The following CORO7 variants were observed in gnomAD, a reference collection of about 807,000 sequenced individuals.
CORO7 encodes coronin 7, also known as coronin-7.
Under a neutral mutation model 126.6 loss-of-function variants are expected in CORO7, and 107 were observed. The ratio of observed to expected loss-of-function variants is 0.85; its 90% confidence interval spans 0.72 to 0.99. The LOEUF is 0.99. CORO7 is among the 50% of genes least tolerant of loss of function. The pLI is 0.00. For synonymous variants in CORO7, 603 were observed against 536.8 expected, an observed-to-expected ratio of 1.12 and a Z score of -1.70; for missense variants, 1,314 against 1,255.8, an observed-to-expected ratio of 1.05 and a Z score of -0.70.
chr16:4,397,996 A>C (rs2055662482), intron 6 of CORO7, among the ~76,000 whole-genome samples: 3 of 152,144 alleles, frequency 2.0e-5, no homozygotes, highest in Admixed American at 2.0e-4. Flanking sequence ...AGCTCACTGC[A>C]AATCAACCTC....
chr16:4,407,394 C>T (rs1370114239), intron 5 of CORO7, 107 bp downstream of exon 5: 3 of 1,348,854 alleles, frequency 2.2e-6, no homozygotes, highest in Non-Finnish European at 3.0e-6. Flanking sequence ...AAGTGTAAAA[C>T]TTTGATATCT....
At chr16:4,372,236 C>G (rs1274021700) in intron 9 of CORO7, among the ~76,000 whole-genome samples, 1 of 152,164 alleles carries the variant, frequency 6.6e-6, no homozygotes, top group Non-Finnish European at 1.5e-5. Context: ...GCGGTGAGCC[C>G]GCGAGGCTGC....
At chr16:4,393,434 G>A (rs556946055) in intron 7 of CORO7, among the ~76,000 whole-genome samples, 1 of 152,206 alleles carries the variant, frequency 6.6e-6, no homozygotes. Context: ...TACGACCAGG[G>A]TGTGGCCAAA....
intron 2 of CORO7, chr16:4,412,718 A>G (rs956413668): frequency 6.9e-6 from 3 of 436,508 alleles, no homozygotes; most frequent in Non-Finnish European, 1.2e-5. Flanking sequence ...TGGGGCTTGC[A>G]GCTACCGTCA....
intron 9 of CORO7, among the ~76,000 whole-genome samples, chr16:4,387,087 C>A (rs1346846157): frequency 2.6e-5 from 4 of 152,226 alleles, no homozygotes; most frequent in Admixed American, 6.5e-5. Flanking sequence ...AAGATTCCAG[C>A]AAGGCCCTTA....
intron 25 of CORO7, 94 bp from the exon 26 acceptor site, chr16:4,357,353 T>G (rs1285944947): frequency 2.9e-6 from 3 of 1,047,776 alleles, no homozygotes; most frequent in East Asian, 3.2e-5. Flanking sequence ...TTTTCTTTCT[T>G]TCTTTTTTTT....
chr16:4,360,061 G>A (rs549584101), intron 21 of CORO7, among the ~76,000 whole-genome samples: 47 of 138,780 alleles, frequency 3.4e-4, no homozygotes, highest in Non-Finnish European at 5.4e-4. Context: ...CCAGCCATCC[G>A]CCCATCTATC....
intron 23 of CORO7, 137 bp downstream of exon 23, chr16:4,359,159 T>TG (rs2054075939): frequency 1.1e-6 from 1 of 935,708 alleles, no homozygotes; most frequent in African/African-American, 1.7e-5. Context: ...TGCCAGTCAC[T>TG]GGGCACAGCC....
chr16:4,383,024 G>A (rs1344554887), intron 9 of CORO7: 5 of 1,076,198 alleles, frequency 4.6e-6, no homozygotes, highest in African/African-American at 1.6e-5. Flanking sequence ...AGGGCTGTGT[G>A]ACCACAGCTG....
rs574771354 is a variant in CORO7 at position 4,387,356 on chromosome 16, T to G, written c.785+630A>C. Among the ~76,000 whole-genome samples the G allele has an allele frequency of 3.9e-5, 6 of 152,074 alleles. No individual in the cohort carries two copies. In the South Asian group the frequency reaches 1.2e-3, roughly 32 times the overall value. Reference sequence around the variant, plus strand: ...CCCCGCCAGGCACTGCCAAAAGCCCTCTCCACACACTTCTGGGGGCAGATG... The same window carrying G: ...CCCCGCCAGGCACTGCCAAAAGCCCGCTCCACACACTTCTGGGGGCAGATG... On this transcript the variant is annotated intron_variant, in intron 9 of 27. Coordinates refer to ENST00000251166, the MANE Select transcript of CORO7 (RefSeq NM_024535.5).
At chr16:4,379,435 C>T (rs1162161303) in intron 9 of CORO7, among the ~76,000 whole-genome samples, 1 of 152,034 alleles carries the variant, frequency 6.6e-6, no homozygotes, top group Non-Finnish European at 1.5e-5. Context: ...GAGCCTGGAG[C>T]GGCTGGTGGG....
At chr16:4,385,165 C>T (rs370070113) in intron 9 of CORO7, among the ~76,000 whole-genome samples, 2 of 152,174 alleles carry the variant, frequency 1.3e-5, no homozygotes, top group Non-Finnish European at 2.9e-5. Flanking sequence ...GGTGTGCGAG[C>T]CCCCATCACC....
chr16:4,389,368 C>G (rs1454065462), intron 7 of CORO7, among the ~76,000 whole-genome samples: 1 of 152,188 alleles, frequency 6.6e-6, no homozygotes, highest in Non-Finnish European at 1.5e-5. Context: ...GAAATGCAAA[C>G]AGCTCCTCCC....
rs1282288946 is a variant in CORO7, at chr16:4,386,085, TG to T, written c.785+1900del. On this transcript the variant is annotated intron_variant, in intron 9 of 27. Transcript: ENST00000251166. ...GGGACCTGCCACCTCTCAGAACAGC[TG>T]GGGGGCTGGCACACATCCTTGGCAT... Among the ~76,000 whole-genome samples, 3 of 152,106 alleles carry T rather than the reference TG, an allele frequency of 2.0e-5. No homozygotes were observed. In the East Asian group the frequency reaches 5.8e-4, roughly 29 times the overall value.
chr16:4,364,633 G>T lies in CORO7; in HGVS notation c.1101C>A (p.Thr367=), dbSNP rs769559140. The change falls in exon 13 of 28, where the codon ACC becomes ACA. Residue 367 remains threonine, a synonymous_variant. Coordinates refer to ENST00000251166, the MANE Select transcript of CORO7 (RefSeq NM_024535.5). Reference sequence around the variant, plus strand: ...CCCCAGCCCACCAGCTATGGGGGTCGGTGGCAGGCACACAGCCGGCAGTGT... The same window carrying T: ...CCCCAGCCCACCAGCTATGGGGGTCTGTGGCAGGCACACAGCCGGCAGTGT... ...FPDTAGCVPA[T]DPHSWWAGDN... 5.2e-5 allele frequency: 82 copies of T among 1,574,190 alleles called. No homozygotes were observed. Among genetic ancestry groups the T allele is most frequent in the Non-Finnish European group, 6.9e-5 (80 of 1,160,770 alleles).
chr16:4,405,631 G>A (rs1382839738), intron 5 of CORO7, 64 bp from the exon 6 acceptor site: 20 of 1,563,954 alleles, frequency 1.3e-5, no homozygotes, highest in Admixed American at 3.6e-5. Flanking sequence ...GGGTGGGGGC[G>A]GGCCTTGCTG....
intron 6 of CORO7, among the ~76,000 whole-genome samples, chr16:4,401,849 C>T (rs980094370): frequency 1.3e-5 from 2 of 152,062 alleles, no homozygotes; most frequent in Admixed American, 1.3e-4. Flanking sequence ...CAGATGCCAA[C>T]ACCACCACTG....
In CORO7 at chr16:4,376,923, G is replaced by A. The variant is rs532565644; in HGVS notation, c.785+11063C>T. ...CCCTTAGTAGTACCCACGCCCAGGG[G>A]GCAGGCAGAGTTCTGCGTTTATGAG... On this transcript the variant is annotated intron_variant, in intron 9 of 27. Coordinates refer to ENST00000251166, the MANE Select transcript of CORO7 (RefSeq NM_024535.5). Among the ~76,000 whole-genome samples the A allele has an allele frequency of 5.9e-5, 9 of 152,306 alleles. 1 individual carries two copies. In the South Asian group the frequency reaches 1.9e-3, roughly 32 times the overall value.
intron 9 of CORO7, among the ~76,000 whole-genome samples, chr16:4,377,162 G>C (rs1326887498): frequency 1.3e-5 from 2 of 152,170 alleles, no homozygotes; most frequent in Non-Finnish European, 2.9e-5. Flanking sequence ...ACTCAGCAAG[G>C]CTGAGGAACT....
Sources: allele counts gnomAD v4.1 joint callset (sites outside exome capture counted in the v4.1 genomes callset), GRCh38; gene constraint gnomAD v4.1.1; transcripts MANE v1.5; gene names NCBI Gene and HGNC (gene_info 2026-07-23, HGNC 2026-07-21).